Variants in SFMBT1 observed in about 807,000 individuals in gnomAD.
SFMBT1 encodes the protein Scm like with four mbt domains 1.
SFMBT1 carries 32 observed loss-of-function variants against 108.7 expected under a neutral mutation model. The observed-to-expected ratio is 0.29, with a 90% CI of 0.22 to 0.40. The LOEUF is 0.40. Among genes scored for constraint, SFMBT1 ranks in the 10% least tolerant of loss-of-function variants. SFMBT1 has a pLI of 1.00. For missense variants in SFMBT1, 816 were observed against 1,059.6 expected (o/e 0.77, Z 3.19); for synonymous variants, 348 against 369.5 (o/e 0.94, Z 0.67).
intron 2 of SFMBT1, among the ~76,000 whole-genome samples, chr3:52,958,397 C>T (rs989164517): frequency 2.6e-5 from 4 of 152,202 alleles, no homozygotes; most frequent in Non-Finnish European, 4.4e-5. Context: ...TCAAGACCAG[C>T]CTGGCTAACA....
At chr3:52,918,815 T>C (rs558399627) in intron 12 of SFMBT1, among the ~76,000 whole-genome samples, 2 of 152,188 alleles carry the variant, frequency 1.3e-5, no homozygotes, top group African/African-American at 4.8e-5. Context: ...GAAAGCTCAA[T>C]GAATAAAGTT....
Position 52,920,967 on chromosome 3 carries a change from A to G in SFMBT1, c.1259-317T>C, listed in dbSNP as rs114182438. On this transcript the variant is annotated intron_variant, in intron 11 of 20. Coordinates refer to ENST00000394752, the MANE Select transcript of SFMBT1 (RefSeq NM_016329.4). ...GGTTAATAAATATCACAGTCATTTC[A>G]GACAAATGGAAACCAAATGGCAAAG... 9.1e-3 allele frequency among the ~76,000 whole-genome samples: 1,380 copies of G among 152,340 alleles called. 12 individuals carry two copies. Among genetic ancestry groups the G allele is most frequent in the Middle Eastern group, 0.027 (8 of 294 alleles).
At chr3:53,012,787 AT>A (rs1360250844) in intron 1 of SFMBT1, among the ~76,000 whole-genome samples, 1 of 151,454 alleles carries the variant, frequency 6.6e-6, no homozygotes, top group African/African-American at 2.5e-5. Context: ...CCTACATATC[AT>A]ATGATTCAAG....
At chr3:52,999,011 C>T (rs1043664509) in intron 1 of SFMBT1, among the ~76,000 whole-genome samples, 3 of 150,838 alleles carry the variant, frequency 2.0e-5, no homozygotes, top group African/African-American at 7.2e-5. Context: ...GAGCCGCCCT[C>T]GGCCCCTCCA....
intron 2 of SFMBT1, among the ~76,000 whole-genome samples, chr3:52,961,309 T>C (rs987728291): frequency 6.6e-6 from 1 of 152,162 alleles, no homozygotes; most frequent in African/African-American, 2.4e-5. Context: ...GAGTTACTGT[T>C]GAACAGGTAT....
intron 6 of SFMBT1, among the ~76,000 whole-genome samples, 200 bp from the exon 7 acceptor site, chr3:52,931,235 GGCTC>G (rs938818981): frequency 3.3e-5 from 5 of 152,102 alleles, no homozygotes; most frequent in Non-Finnish European, 7.4e-5. Context: ...TGGACAGCTT[GGCTC>G]TATGAAAATA....
chr3:52,921,230 G>A (rs1387667534), intron 11 of SFMBT1, among the ~76,000 whole-genome samples: 1 of 152,114 alleles, frequency 6.6e-6, no homozygotes, highest in Non-Finnish European at 1.5e-5. Flanking sequence ...AGCTGCTCAG[G>A]GCATATATGG....
intron 19 of SFMBT1, 81 bp from the exon 20 acceptor site, chr3:52,906,322 AT>A (rs1194395275): frequency 6.3e-7 from 1 of 1,599,790 alleles, no homozygotes; most frequent in Non-Finnish European, 8.6e-7. Flanking sequence ...TAAATTCATA[AT>A]CTTTCAAGAC....
At chr3:52,912,707 T>C in intron 15 of SFMBT1, 60 bp from the exon 16 acceptor site, 2 of 1,150,168 alleles carry the variant, frequency 1.7e-6, no homozygotes, top group Non-Finnish European at 2.6e-6. Context: ...ACCATTAGAA[T>C]CTTGTCATCT....
chr3:52,996,708 T>C (rs1457631128), intron 1 of SFMBT1, among the ~76,000 whole-genome samples: 1 of 150,344 alleles, frequency 6.7e-6, no homozygotes, highest in Non-Finnish European at 1.5e-5. Context: ...AAGTGAGTCC[T>C]CATACAATGC....
intron 1 of SFMBT1, among the ~76,000 whole-genome samples, chr3:53,001,956 C>CAT (rs1209947854): frequency 6.9e-6 from 1 of 145,546 alleles, no homozygotes; most frequent in Non-Finnish European, 1.5e-5. Context: ...CACACACACA[C>CAT]ACACACACAC....
chr3:52,998,869 G>C (rs980397514), intron 1 of SFMBT1, among the ~76,000 whole-genome samples: 2 of 150,542 alleles, frequency 1.3e-5, no homozygotes, highest in African/African-American at 4.8e-5. Flanking sequence ...GCTGTGCAGC[G>C]CTGCTCGCCT....
At chr3:53,013,691 C>T (rs1699032450) in intron 1 of SFMBT1, among the ~76,000 whole-genome samples, 1 of 118,188 alleles carries the variant, frequency 8.5e-6, no homozygotes, top group South Asian at 3.0e-4. Flanking sequence ...TGCAATGGCG[C>T]AATCTCAGCT....
intron 1 of SFMBT1, 125 bp from the exon 2 acceptor site, chr3:52,969,383 G>A: frequency 1.1e-6 from 1 of 934,488 alleles, no homozygotes; most frequent in African/African-American, 1.7e-5. Flanking sequence ...GAATAGATAG[G>A]ACTGGAGGAA....
At chr3:52,953,088 G>C (rs1328447205) in intron 3 of SFMBT1, among the ~76,000 whole-genome samples, 1 of 152,208 alleles carries the variant, frequency 6.6e-6, no homozygotes, top group East Asian at 1.9e-4. Flanking sequence ...GGCAGCCCAA[G>C]CAGACTATGA....
intron 1 of SFMBT1, among the ~76,000 whole-genome samples, chr3:52,984,793 A>G (rs1334234833): frequency 6.7e-6 from 1 of 148,974 alleles, no homozygotes; most frequent in African/African-American, 2.5e-5. Flanking sequence ...AATGATTCAT[A>G]CTATAATGAG....
Position 53,002,417 on chromosome 3 carries a change from A to G in SFMBT1, c.-130-33159T>C, listed in dbSNP as rs182438862. Among the ~76,000 whole-genome samples the G allele has an allele frequency of 3.0e-3, 441 of 148,372 alleles. 25 individuals are homozygous for G. The highest frequency in any genetic ancestry group is 4.6e-3 in the Non-Finnish European group (303 of 66,286). On this transcript the variant is annotated intron_variant, in intron 1 of 20. Transcript: ENST00000394752. ...CCGTCTCAATAAAAAAAAAAAAAAA[A>G]AAAGAAATCACCCAGCCCAGTATCT...
intron 1 of SFMBT1, among the ~76,000 whole-genome samples, chr3:53,004,447 AT>A (rs1444685536): frequency 6.7e-6 from 1 of 149,344 alleles, no homozygotes; most frequent in Admixed American, 6.8e-5. Context: ...TAATTTTTGA[AT>A]TTTTAGTAGA....
intron 4 of SFMBT1, among the ~76,000 whole-genome samples, chr3:52,936,119 T>C (rs1703001206): frequency 6.6e-6 from 1 of 152,226 alleles, no homozygotes; most frequent in African/African-American, 2.4e-5. Context: ...GGTCTGGCTG[T>C]CTCTCCCTTT....
Sources: gnomAD v4.1 joint callset for allele counts (sites outside exome capture counted in the v4.1 genomes callset) on GRCh38, gnomAD v4.1.1 for gene constraint, MANE v1.5 for transcripts, NCBI Gene and HGNC (gene_info 2026-07-23, HGNC 2026-07-21) for gene names.